The following SNX9 variants were observed in gnomAD, a reference collection of about 807,000 sequenced individuals.
SNX9 encodes the protein sorting nexin 9.
SNX9 carries 44 observed loss-of-function variants against 89.4 expected under a neutral mutation model. That is an observed-to-expected ratio of 0.49 (90% CI 0.39 to 0.63). SNX9 has a LOEUF of 0.63. SNX9 is among the 30% of genes least tolerant of loss of function. The probability of loss-of-function intolerance (pLI) is 0.00; values close to 1 mark genes in which losing one functional copy is unlikely to be tolerated. For missense variants in SNX9, 578 were observed against 736.1 expected, an observed-to-expected ratio of 0.79 and a Z score of 2.49; for synonymous variants, 236 against 247.8, an observed-to-expected ratio of 0.95 and a Z score of 0.45.
intron 4 of SNX9, among the ~76,000 whole-genome samples, chr6:157,888,942 G>A (rs1782794176): frequency 6.6e-6 from 1 of 152,118 alleles, no homozygotes; most frequent in Non-Finnish European, 1.5e-5. Flanking sequence ...GAGGAGTGTG[G>A]TACCACGGAG....
intron 1 of SNX9, among the ~76,000 whole-genome samples, chr6:157,852,263 A>G (rs529030695): frequency 7.9e-5 from 12 of 152,360 alleles, no homozygotes; most frequent in African/African-American, 2.9e-4. Context: ...AAAGAAGTAT[A>G]TCTGAATTTT....
intron 1 of SNX9, among the ~76,000 whole-genome samples, chr6:157,825,067 G>A (rs1781315898): frequency 6.6e-6 from 1 of 152,172 alleles, no homozygotes; most frequent in African/African-American, 2.4e-5. Context: ...GGCCAATATG[G>A]TGAAACCCTG....
intron 2 of SNX9, among the ~76,000 whole-genome samples, chr6:157,868,793 A>C (rs1782325598): frequency 1.3e-5 from 2 of 152,260 alleles, no homozygotes; most frequent in African/African-American, 4.8e-5. Context: ...GAACAAAAGC[A>C]GATAGGGAGA....
intron 1 of SNX9, among the ~76,000 whole-genome samples, chr6:157,846,467 A>G (rs908122115): frequency 2.0e-5 from 3 of 152,264 alleles, no homozygotes; most frequent in African/African-American, 4.8e-5. Context: ...GCAGAGACCC[A>G]TATTCCTCAT....
intron 1 of SNX9, among the ~76,000 whole-genome samples, chr6:157,861,986 T>C (rs2115130153): frequency 6.6e-6 from 1 of 152,238 alleles, no homozygotes; most frequent in East Asian, 1.9e-4. Context: ...GTCTATGGTG[T>C]AGAGATGCTG....
intron 1 of SNX9, among the ~76,000 whole-genome samples, chr6:157,861,333 A>G (rs1170802074): frequency 6.6e-6 from 1 of 152,200 alleles, no homozygotes; most frequent in Non-Finnish European, 1.5e-5. Context: ...CATGATAATT[A>G]ATTGACCCGC....
intron 1 of SNX9, among the ~76,000 whole-genome samples, chr6:157,827,536 A>C (rs111378118): frequency 1.1e-4 from 4 of 35,756 alleles, no homozygotes; most frequent in East Asian, 1.1e-3. Flanking sequence ...ATAATATATA[A>C]ACATATATTA....
intron 2 of SNX9, among the ~76,000 whole-genome samples, chr6:157,869,953 C>G (rs952179051): frequency 6.6e-6 from 1 of 152,034 alleles, no homozygotes; most frequent in Non-Finnish European, 1.5e-5. Context: ...TTTACATACT[C>G]TTTCACGTGT....
At chr6:157,932,866 C>CAAA (rs10545432) in intron 13 of SNX9, among the ~76,000 whole-genome samples, 13 of 39,212 alleles carry the variant, frequency 3.3e-4, no homozygotes, top group Admixed American at 7.7e-4. Context: ...GACCCTGTCT[C>CAAA]AAAAAAAAAA....
chr6:157,888,625 T>C (rs1037130607), intron 4 of SNX9, among the ~76,000 whole-genome samples: 10 of 151,544 alleles, frequency 6.6e-5, no homozygotes, highest in African/African-American at 2.5e-4. Flanking sequence ...GTCACCACCT[T>C]CTTCTCCTTC....
chr6:157,853,285 A>G lies in SNX9; in HGVS notation c.13-14262A>G, dbSNP rs142912789. Reference sequence around the variant, plus strand: ...TTTTAAGGTGACATTTGGCTTGTACATGTTGTTCTTGAGAATTCTGCAGTT... The same window carrying G: ...TTTTAAGGTGACATTTGGCTTGTACGTGTTGTTCTTGAGAATTCTGCAGTT... On this transcript the variant is annotated intron_variant, in intron 1 of 17. Coordinates refer to ENST00000392185, the MANE Select transcript of SNX9 (RefSeq NM_016224.5). 4.5e-3 allele frequency among the ~76,000 whole-genome samples: 682 copies of G among 152,088 alleles called. 6 individuals are homozygous for G. The highest frequency in any genetic ancestry group is 0.016 in the African/African-American group (652 of 41,466).
chr6:157,856,926 G>GA (rs889953935), intron 1 of SNX9, among the ~76,000 whole-genome samples: 30 of 151,696 alleles, frequency 2.0e-4, no homozygotes, highest in Non-Finnish European at 2.5e-4. Context: ...TTTGGGGATT[G>GA]AAAAAAATGA....
At chr6:157,918,112 T>A (rs1783511567) in intron 9 of SNX9, among the ~76,000 whole-genome samples, 1 of 152,180 alleles carries the variant, frequency 6.6e-6, no homozygotes, top group African/African-American at 2.4e-5. Flanking sequence ...GAGTGTTTCA[T>A]TCATGTCAGT....
At chr6:157,908,557 C>G (rs1050339368) in intron 7 of SNX9, among the ~76,000 whole-genome samples, 3 of 152,200 alleles carry the variant, frequency 2.0e-5, no homozygotes, top group Non-Finnish European at 4.4e-5. Flanking sequence ...GCAGAACCAA[C>G]TTGAGACTAT....
At chr6:157,922,584 C>T (rs1325993375) in intron 10 of SNX9, among the ~76,000 whole-genome samples, 1 of 152,294 alleles carries the variant, frequency 6.6e-6, no homozygotes, top group South Asian at 2.1e-4. Flanking sequence ...TATTAGGGCT[C>T]TATCGGTGTA....
chr6:157,841,572 G>T (rs1487277251), intron 1 of SNX9, among the ~76,000 whole-genome samples: 1 of 152,116 alleles, frequency 6.6e-6, no homozygotes, highest in Non-Finnish European at 1.5e-5. Context: ...TGGGGTGTGG[G>T]GATCGGGGCC....
intron 9 of SNX9, among the ~76,000 whole-genome samples, chr6:157,918,753 T>G (rs1038129693): frequency 6.6e-6 from 1 of 152,190 alleles, no homozygotes; most frequent in Non-Finnish European, 1.5e-5. Flanking sequence ...ATTTTTGAAG[T>G]TATTTTCATA....
intron 12 of SNX9, 82 bp downstream of exon 12, chr6:157,928,784 C>T (rs1165108667): frequency 1.4e-5 from 15 of 1,078,598 alleles, no homozygotes; most frequent in Non-Finnish European, 1.9e-5. Context: ...AGAGGGGAAC[C>T]TGCTGCCTCG....
At chr6:157,930,662 G>A (rs1438416213) in intron 12 of SNX9, among the ~76,000 whole-genome samples, 1 of 152,160 alleles carries the variant, frequency 6.6e-6, no homozygotes, top group African/African-American at 2.4e-5. Context: ...GCCCTTATGA[G>A]AATCTAATGC....
Sources: allele counts gnomAD v4.1 joint callset (sites outside exome capture counted in the v4.1 genomes callset), GRCh38; gene constraint gnomAD v4.1.1; transcripts MANE v1.5; gene names NCBI Gene and HGNC (gene_info 2026-07-23, HGNC 2026-07-21).